The following PDE8B variants were observed in gnomAD, a reference collection of about 807,000 sequenced individuals.
The protein encoded by PDE8B is phosphodiesterase 8B.
Under a neutral mutation model 101.3 loss-of-function variants are expected in PDE8B, and 26 were observed. That is an observed-to-expected ratio of 0.26 (90% CI 0.19 to 0.36). The LOEUF (loss-of-function observed/expected upper bound fraction) is 0.36, where lower values mean the gene tolerates loss of function less well. PDE8B is among the 10% of genes least tolerant of loss of function. The pLI, the probability that PDE8B is intolerant of heterozygous loss-of-function variation, is 1.00. For missense variants in PDE8B, 810 were observed against 1,163.1 expected (o/e 0.70, Z 4.42); for synonymous variants, 424 against 429.3 (o/e 0.99, Z 0.15).
At chr5:77,426,238 C>A (rs1425677744) in intron 21 of PDE8B, 1 of 616,350 alleles carries the variant, frequency 1.6e-6, no homozygotes, top group Non-Finnish European at 2.9e-6. Context: ...ATCACAGGTT[C>A]TTCTGATAAT....
chr5:77,271,503 A>G (rs1762801706), intron 1 of PDE8B, among the ~76,000 whole-genome samples: 1 of 152,250 alleles, frequency 6.6e-6, no homozygotes, highest in Non-Finnish European at 1.5e-5. Context: ...GAACTGTGGA[A>G]TGAAGAAGGT....
chr5:77,219,902 T>C (rs1450603143), intron 1 of PDE8B, among the ~76,000 whole-genome samples: 4 of 152,226 alleles, frequency 2.6e-5, no homozygotes, highest in Admixed American at 6.5e-5. Flanking sequence ...AGTCTGTGCC[T>C]GTGCAAGCAT....
the PDE8B span, chr5:77,146,627 C>A: frequency 7.1e-6 from 2 of 282,584 alleles, no homozygotes; most frequent in Admixed American, 7.5e-5. Context: ...CATTCTTTGG[C>A]AAACTTGTCA....
chr5:77,389,119 A>G (rs1223013944), intron 10 of PDE8B, among the ~76,000 whole-genome samples: 2 of 150,690 alleles, frequency 1.3e-5, no homozygotes, highest in Middle Eastern at 3.2e-3. Flanking sequence ...CTAGGGTATG[A>G]AAAAAAAATC....
the PDE8B span, chr5:77,115,167 A>T: frequency 2.1e-4 from 32 of 152,294 alleles, no homozygotes; most frequent in African/African-American, 7.2e-4. Context: ...ATGGGAAAAC[A>T]TATCTTTGTG....
chr5:77,422,586 A>G (rs1003797918), intron 20 of PDE8B, among the ~76,000 whole-genome samples: 1 of 152,226 alleles, frequency 6.6e-6, no homozygotes, highest in Non-Finnish European at 1.5e-5. Context: ...TTTTTATAAA[A>G]AGGGAAGAGC....
At chr5:77,288,290 G>A (rs1399776899) in intron 1 of PDE8B, among the ~76,000 whole-genome samples, 1 of 152,096 alleles carries the variant, frequency 6.6e-6, no homozygotes, top group Non-Finnish European at 1.5e-5. Flanking sequence ...ATTTCTGTGT[G>A]GTGGATGGAA....
At chr5:77,204,378 T>G in the PDE8B span, among the ~76,000 whole-genome samples, 1 of 149,370 alleles carries the variant, frequency 6.7e-6, no homozygotes, top group South Asian at 2.1e-4. Context: ...ACCACTGTAC[T>G]CAAGCCTGGG....
intron 1 of PDE8B, among the ~76,000 whole-genome samples, chr5:77,232,173 A>T (rs975099753): frequency 6.6e-6 from 1 of 152,272 alleles, no homozygotes; most frequent in African/African-American, 2.4e-5. Flanking sequence ...ATAGAAAAAC[A>T]TCCATTTTTC....
At chr5:77,275,243 T>C (rs1763617032) in intron 1 of PDE8B, among the ~76,000 whole-genome samples, 1 of 152,146 alleles carries the variant, frequency 6.6e-6, no homozygotes, top group African/African-American at 2.4e-5. Flanking sequence ...TCCTTCCCCT[T>C]GATCACTACT....
chr5:77,126,211 G>A, the PDE8B span, among the ~76,000 whole-genome samples: 1 of 152,098 alleles, frequency 6.6e-6, no homozygotes, highest in Non-Finnish European at 1.5e-5. Context: ...GCTTGAACTG[G>A]GAGGTGGAGG....
At chr5:77,249,388 C>T (rs1757600585) in intron 1 of PDE8B, among the ~76,000 whole-genome samples, 1 of 152,274 alleles carries the variant, frequency 6.6e-6, no homozygotes, top group African/African-American at 2.4e-5. Context: ...TATCTAAAGC[C>T]ACATAGCTTC....
At chr5:77,367,851 G>C (rs1385566703) in intron 10 of PDE8B, among the ~76,000 whole-genome samples, 1 of 152,090 alleles carries the variant, frequency 6.6e-6, no homozygotes, top group Non-Finnish European at 1.5e-5. Context: ...CGTTTTCTAA[G>C]GCTTCCAGCA....
At chr5:77,149,778 G>T in the PDE8B span, among the ~76,000 whole-genome samples, 2 of 151,984 alleles carry the variant, frequency 1.3e-5, no homozygotes, top group East Asian at 1.9e-4. Flanking sequence ...TTTTCTATAC[G>T]CAAGATTATG....
chr5:77,165,416 A>G, the PDE8B span: 1 of 152,252 alleles, frequency 6.6e-6, no homozygotes, highest in African/African-American at 2.4e-5. Flanking sequence ...AAAGGAAAAG[A>G]AGAAAATGCT....
chr5:77,093,639 C>T, the PDE8B span, among the ~76,000 whole-genome samples: 384 of 152,244 alleles, frequency 2.5e-3, 3 homozygotes, highest in African/African-American at 9.0e-3. Flanking sequence ...CATCGTTGTT[C>T]CTTTTCAGTT....
intron 1 of PDE8B, among the ~76,000 whole-genome samples, chr5:77,240,770 A>G (rs995573946): frequency 6.6e-6 from 1 of 152,250 alleles, no homozygotes; most frequent in East Asian, 1.9e-4. Context: ...AAGAAAGAAA[A>G]ATACATAACT....
chr5:77,243,206 A>G (rs759306189), intron 1 of PDE8B, among the ~76,000 whole-genome samples: 2 of 152,154 alleles, frequency 1.3e-5, no homozygotes, highest in Non-Finnish European at 2.9e-5. Context: ...GTCTAAGAAG[A>G]TATCTTCTAT....
At chr5:77,143,474 T>A in the PDE8B span, among the ~76,000 whole-genome samples, 1 of 152,222 alleles carries the variant, frequency 6.6e-6, no homozygotes, top group Non-Finnish European at 1.5e-5. Context: ...TTCACAGATA[T>A]AATTCTTAAT....
Sources: allele counts gnomAD v4.1 joint callset (sites outside exome capture counted in the v4.1 genomes callset), GRCh38; gene constraint gnomAD v4.1.1; transcripts MANE v1.5; gene names NCBI Gene and HGNC (gene_info 2026-07-23, HGNC 2026-07-21).